Variants in ADGRB3 observed in about 807,000 individuals in gnomAD.
ADGRB3 encodes adhesion G protein-coupled receptor B3.
Under a neutral mutation model 193.4 loss-of-function variants are expected in ADGRB3, and 37 were observed. That is an observed-to-expected ratio of 0.19 (90% CI 0.15 to 0.25). The LOEUF (loss-of-function observed/expected upper bound fraction) is 0.25. Among genes scored for constraint, ADGRB3 ranks in the 10% least tolerant of loss-of-function variants. The pLI is 1.00. For missense variants in ADGRB3, 1,637 were observed against 1,852.9 expected (o/e 0.88, Z 2.14); for synonymous variants, 690 against 644.2 (o/e 1.07, Z -1.08).
chr6:68,677,798 A>G (rs1163915716), intron 3 of ADGRB3, among the ~76,000 whole-genome samples: 2 of 151,936 alleles, frequency 1.3e-5, no homozygotes, highest in East Asian at 3.9e-4. Flanking sequence ...ATAGAGAGGG[A>G]GTTTCGCCAT....
At chr6:69,184,327 A>T (rs999898569) in intron 17 of ADGRB3, among the ~76,000 whole-genome samples, 2 of 152,142 alleles carry the variant, frequency 1.3e-5, no homozygotes, top group Middle Eastern at 3.2e-3. Context: ...GCCTTTTCTC[A>T]TATGACTTGA....
intron 3 of ADGRB3, among the ~76,000 whole-genome samples, chr6:68,760,702 T>TA (rs1447893454): frequency 6.6e-6 from 1 of 152,186 alleles, no homozygotes; most frequent in African/African-American, 2.4e-5. Flanking sequence ...GCCTCCATTT[T>TA]AGTATTCTAG....
rs62416393 is a variant in ADGRB3, at chr6:68,877,087, G to A, written c.758-53472G>A. On this transcript the variant is annotated intron_variant, in intron 3 of 31. Coordinates refer to ENST00000370598, the MANE Select transcript of ADGRB3 (RefSeq NM_001704.3). ...TATTATTTTGATCCACATATCTCTT[G>A]ACTTTTTTCTTTTAAGTCCTTGATA... Among the ~76,000 whole-genome samples the A allele has an allele frequency of 3.1e-3, 468 of 151,812 alleles. 1 individual carries two copies. The highest frequency in any genetic ancestry group is 5.7e-3 in the Non-Finnish European group (386 of 67,826).
chr6:69,066,436 A>C (rs1257800372), intron 16 of ADGRB3, among the ~76,000 whole-genome samples: 2 of 152,020 alleles, frequency 1.3e-5, no homozygotes, highest in African/African-American at 4.8e-5. Context: ...TAACAGGAAA[A>C]GCCTGTTAAC....
At chr6:69,371,992 C>T (rs756279723) in intron 29 of ADGRB3, among the ~76,000 whole-genome samples, 1 of 152,004 alleles carries the variant, frequency 6.6e-6, no homozygotes, top group African/African-American at 2.4e-5. Flanking sequence ...TTGAAGATGT[C>T]GAGGTAACTA....
intron 17 of ADGRB3, among the ~76,000 whole-genome samples, chr6:69,153,435 G>A (rs1052188040): frequency 6.6e-6 from 1 of 152,172 alleles, no homozygotes; most frequent in Non-Finnish European, 1.5e-5. Flanking sequence ...GAGAAGCATT[G>A]TAGAGTAATA....
At chr6:69,257,250 A>C (rs1251562895) in intron 20 of ADGRB3, among the ~76,000 whole-genome samples, 3 of 152,210 alleles carry the variant, frequency 2.0e-5, no homozygotes. Flanking sequence ...CTCTTTTTCT[A>C]TTGATTGGAA....
chr6:69,162,065 G>A (rs1225400041), intron 17 of ADGRB3, among the ~76,000 whole-genome samples: 2 of 152,072 alleles, frequency 1.3e-5, no homozygotes, highest in Non-Finnish European at 2.9e-5. Context: ...GTGAATACCA[G>A]GAATCAGGAA....
chr6:69,255,461 A>G (rs552143594), intron 20 of ADGRB3, among the ~76,000 whole-genome samples: 23 of 152,290 alleles, frequency 1.5e-4, no homozygotes, highest in African/African-American at 5.3e-4. Context: ...ATGTCCAGTG[A>G]TGGTGAGCAT....
At chr6:68,902,856 A>G (rs1309785175) in intron 3 of ADGRB3, among the ~76,000 whole-genome samples, 1 of 152,148 alleles carries the variant, frequency 6.6e-6, no homozygotes, top group Non-Finnish European at 1.5e-5. Flanking sequence ...CACCTCACAT[A>G]TATGATTTTG....
At chr6:69,354,416 T>A (rs1276126631) in intron 27 of ADGRB3, 88 bp downstream of exon 27, 9 of 1,166,226 alleles carry the variant, frequency 7.7e-6, no homozygotes, top group Admixed American at 1.8e-5. Context: ...TAGTGTAAAA[T>A]TTTCATTTTG....
intron 13 of ADGRB3, among the ~76,000 whole-genome samples, chr6:69,022,703 C>T (rs1209335606): frequency 6.6e-6 from 1 of 151,914 alleles, no homozygotes; most frequent in East Asian, 1.9e-4. Context: ...TAAATCTAAA[C>T]TCATGGCTTG....
Position 68,785,799 on chromosome 6 carries a change from T to C in ADGRB3, c.758-144760T>C, listed in dbSNP as rs982492540. Among the ~76,000 whole-genome samples, 24 of 152,206 alleles carry C rather than the reference T, an allele frequency of 1.6e-4. No homozygotes were observed. In the East Asian group the frequency reaches 2.3e-3, roughly 15 times the overall value. Reference sequence around the variant, plus strand: ...CAGCATAAAAGTGTTCCTATATCTCTACATCCTCTCCAGCACCTGTTGTTT... The same window carrying C: ...CAGCATAAAAGTGTTCCTATATCTCCACATCCTCTCCAGCACCTGTTGTTT... On this transcript the variant is annotated intron_variant, in intron 3 of 31. Transcript: ENST00000370598.
rs140506413 is a variant in ADGRB3, at chr6:69,253,546, C to T, written c.2814+14320C>T. Reference sequence around the variant, plus strand: ...GCTGAGAAAGAAAGGACATCCCAAACTGCAGTGCTTTTGGACTCTTATATA... The same window carrying T: ...GCTGAGAAAGAAAGGACATCCCAAATTGCAGTGCTTTTGGACTCTTATATA... On this transcript the variant is annotated intron_variant, in intron 20 of 31. Coordinates refer to ENST00000370598, the MANE Select transcript of ADGRB3 (RefSeq NM_001704.3). Among the ~76,000 whole-genome samples the T allele has an allele frequency of 3.2e-3, 493 of 152,178 alleles. 1 individual carries two copies. The highest frequency in any genetic ancestry group is 0.011 in the African/African-American group (466 of 41,562).
chr6:69,139,493 G>A (rs926929183), intron 17 of ADGRB3, among the ~76,000 whole-genome samples: 23 of 152,132 alleles, frequency 1.5e-4, no homozygotes, highest in African/African-American at 4.1e-4. Flanking sequence ...TTTATGTGAG[G>A]AATGGTTTAT....
At chr6:69,332,212 A>G (rs887182996) in intron 23 of ADGRB3, 1 of 985,266 alleles carries the variant, frequency 1.0e-6, no homozygotes, top group African/African-American at 1.7e-5. Flanking sequence ...TACTTGAAAA[A>G]GGAAAAATAT....
At chr6:69,106,179 A>AAAAAAAAAAAAAG (rs1554143751) in intron 17 of ADGRB3, among the ~76,000 whole-genome samples, 1 of 140,734 alleles carries the variant, frequency 7.1e-6, no homozygotes. Context: ...AAAAAAAAAA[A>AAAAAAAAAAAAAG]AAAAGAAAAG....
chr6:69,114,979 G>C (rs988999697), intron 17 of ADGRB3, among the ~76,000 whole-genome samples: 3 of 152,106 alleles, frequency 2.0e-5, no homozygotes, highest in African/African-American at 7.2e-5. Context: ...AAATATGAAC[G>C]CTTTTACACT....
intron 17 of ADGRB3, among the ~76,000 whole-genome samples, chr6:69,174,767 C>G (rs906318121): frequency 6.6e-6 from 1 of 152,202 alleles, no homozygotes; most frequent in Non-Finnish European, 1.5e-5. Flanking sequence ...TCACCAACAT[C>G]TGTTGTTTTT....
Sources: allele counts gnomAD v4.1 joint callset (sites outside exome capture counted in the v4.1 genomes callset), GRCh38; gene constraint gnomAD v4.1.1; transcripts MANE v1.5; gene names NCBI Gene and HGNC (gene_info 2026-07-23, HGNC 2026-07-21).